Variants in TTC28 observed in about 807,000 individuals in gnomAD.
TTC28 encodes tetratricopeptide repeat protein 28.
TTC28 carries 61 observed loss-of-function variants against 198.0 expected under a neutral mutation model. The observed-to-expected ratio is 0.31, with a 90% CI of 0.25 to 0.38. The LOEUF is 0.38. Among genes scored for constraint, TTC28 ranks in the 10% least tolerant of loss-of-function variants. The probability of loss-of-function intolerance (pLI) is 1.00; values close to 1 mark genes in which losing one functional copy is unlikely to be tolerated. For missense variants in TTC28, 2,678 were observed against 3,164.0 expected, an observed-to-expected ratio of 0.85 and a Z score of 3.69; for synonymous variants, 1,171 against 1,297.8, an observed-to-expected ratio of 0.90 and a Z score of 2.10.
Position 28,107,957 on chromosome 22 carries a change from T to C in TTC28, c.1888A>G (p.Met630Val). The stretch of plus-strand genomic sequence containing the variant: ...TGGCAGACCTTCCCTTCTCCTTCCA[T>C]GTCTTGAAGGTCGGGAGCAAGCCGG... ...YLRLAPDLQD[M>V]EGEGKVCHNL... is the part of the protein sequence containing the mutation. Residue 630 changes from methionine to valine, a missense_variant, in exon 7 of 23, where the codon ATG (methionine) becomes GTG (valine). Met to Val is a conservative substitution (Grantham distance 21). This residue lies in a region of TTC28 where 775 missense variants were observed against 845.9 expected (regional missense o/e 0.92). Coordinates refer to ENST00000397906, the MANE Select transcript of TTC28 (RefSeq NM_001145418.2). The C allele has an allele frequency of 6.4e-7, 1 of 1,551,644 alleles. No individual in the cohort carries two copies. Among genetic ancestry groups the C allele is most frequent in the Non-Finnish European group, 8.7e-7 (1 of 1,147,004 alleles).
At chr22:28,337,610 C>T (rs2045751390) in intron 2 of TTC28, among the ~76,000 whole-genome samples, 1 of 152,144 alleles carries the variant, frequency 6.6e-6, no homozygotes, top group Non-Finnish European at 1.5e-5. Context: ...TTCTTTGTCT[C>T]TTTTGATCTT....
At chr22:28,069,097 C>T (rs905369786) in intron 12 of TTC28, among the ~76,000 whole-genome samples, 1 of 152,164 alleles carries the variant, frequency 6.6e-6, no homozygotes, top group African/African-American at 2.4e-5. Context: ...TCCAAAAAGA[C>T]AGCAAAAGTC....
intron 6 of TTC28, among the ~76,000 whole-genome samples, chr22:28,144,373 T>C (rs1423763197): frequency 6.6e-6 from 1 of 152,260 alleles, no homozygotes; most frequent in Admixed American, 6.5e-5. Flanking sequence ...TAGTGGAAGA[T>C]GGTTTGGAAA....
At chr22:28,268,847 A>G (rs939757377) in intron 5 of TTC28, among the ~76,000 whole-genome samples, 1 of 152,186 alleles carries the variant, frequency 6.6e-6, no homozygotes, top group Admixed American at 6.5e-5. Context: ...TTTCCTCTTC[A>G]AAGTTATTTA....
chr22:28,199,596 A>AC (rs2147149677), intron 5 of TTC28, among the ~76,000 whole-genome samples: 1 of 127,016 alleles, frequency 7.9e-6, no homozygotes, highest in South Asian at 2.5e-4. Flanking sequence ...GTGTATGTGT[A>AC]TGTGTATGTG....
At chr22:28,027,300 C>A (rs1230381099) in intron 13 of TTC28, among the ~76,000 whole-genome samples, 1 of 152,188 alleles carries the variant, frequency 6.6e-6, no homozygotes, top group Non-Finnish European at 1.5e-5. Context: ...AGAGAAGGGT[C>A]TTTGTTTTTC....
chr22:28,367,736 A>G (rs1234033760), intron 2 of TTC28, among the ~76,000 whole-genome samples: 1 of 152,088 alleles, frequency 6.6e-6, no homozygotes, highest in Non-Finnish European at 1.5e-5. Flanking sequence ...AGCAGATACT[A>G]CAACCAATAT....
At chr22:28,502,416 G>A (rs1322464068) in intron 2 of TTC28, among the ~76,000 whole-genome samples, 2 of 151,988 alleles carry the variant, frequency 1.3e-5, no homozygotes, top group Admixed American at 6.6e-5. Flanking sequence ...CGAGGAGGCC[G>A]GATCATGAGG....
chr22:28,236,297 C>T (rs754098286), intron 5 of TTC28, among the ~76,000 whole-genome samples: 12 of 152,156 alleles, frequency 7.9e-5, no homozygotes, highest in Non-Finnish European at 2.9e-5. Flanking sequence ...TTAGCTATTC[C>T]CACATTTGCA....
chr22:28,491,735 T>C (rs1276777971), intron 2 of TTC28, among the ~76,000 whole-genome samples: 1 of 152,152 alleles, frequency 6.6e-6, no homozygotes, highest in Non-Finnish European at 1.5e-5. Flanking sequence ...AGAAATACCA[T>C]TTGACCCAGC....
At chr22:28,302,693 C>T (rs1228766231) in intron 3 of TTC28, among the ~76,000 whole-genome samples, 7 of 152,016 alleles carry the variant, frequency 4.6e-5, no homozygotes, top group South Asian at 4.2e-4. Context: ...TTTTTTAAGA[C>T]GGAGTCTCAC....
intron 2 of TTC28, among the ~76,000 whole-genome samples, chr22:28,556,308 A>C (rs1167664751): frequency 6.6e-6 from 1 of 152,114 alleles, no homozygotes; most frequent in Non-Finnish European, 1.5e-5. Flanking sequence ...GCAGTGAGCC[A>C]AGATCGCACC....
chr22:28,643,370 T>C (rs1051641131), intron 1 of TTC28: 2 of 152,134 alleles, frequency 1.3e-5, no homozygotes, highest in African/African-American at 4.8e-5. Flanking sequence ...GAAGCTAATA[T>C]AAGAGTGTAA....
chr22:28,654,212 CT>C (rs2146267334), intron 1 of TTC28, among the ~76,000 whole-genome samples: 1 of 152,322 alleles, frequency 6.6e-6, no homozygotes, highest in Admixed American at 6.5e-5. Flanking sequence ...AGGCAGCAAT[CT>C]AATAAGTCCT....
At chr22:28,014,915 G>A (rs1256062322) in intron 13 of TTC28, among the ~76,000 whole-genome samples, 2 of 152,246 alleles carry the variant, frequency 1.3e-5, no homozygotes, top group East Asian at 3.8e-4. Context: ...TGGCCCCATG[G>A]CCTCATTGGG....
chr22:28,083,991 A>C (rs1180321855), intron 12 of TTC28, among the ~76,000 whole-genome samples: 1 of 152,264 alleles, frequency 6.6e-6, no homozygotes, highest in Non-Finnish European at 1.5e-5. Flanking sequence ...CTCAGGCTTG[A>C]GTAGGTAAAC....
intron 5 of TTC28, among the ~76,000 whole-genome samples, chr22:28,231,621 G>A (rs140769337): frequency 1.8e-4 from 28 of 152,338 alleles, no homozygotes; most frequent in African/African-American, 6.7e-4. Context: ...AATGTTAGCA[G>A]TTTACACATG....
intron 1 of TTC28, among the ~76,000 whole-genome samples, chr22:28,644,698 C>T (rs746068150): frequency 6.6e-6 from 1 of 151,904 alleles, no homozygotes; most frequent in Non-Finnish European, 1.5e-5. Flanking sequence ...TTACACATGC[C>T]TGTAGTCCCA....
intron 5 of TTC28, among the ~76,000 whole-genome samples, chr22:28,261,370 T>A (rs1456986577): frequency 2.0e-5 from 3 of 152,046 alleles, no homozygotes; most frequent in Admixed American, 1.3e-4. Flanking sequence ...AACAGGGTGA[T>A]CCCTGGAGGC....
Sources: allele counts gnomAD v4.1 joint callset (sites outside exome capture counted in the v4.1 genomes callset), GRCh38; gene constraint gnomAD v4.1.1; regional missense constraint gnomAD v4.1.1; transcripts MANE v1.5; gene names NCBI Gene and HGNC (gene_info 2026-07-23, HGNC 2026-07-21).